Variants in WASHC4 observed in about 807,000 individuals in gnomAD.
The protein encoded by WASHC4 is WASH complex subunit 7.
WASHC4 carries 86 observed loss-of-function variants against 166.6 expected under a neutral mutation model. That is an observed-to-expected ratio of 0.52 (90% CI 0.43 to 0.62). The LOEUF (loss-of-function observed/expected upper bound fraction) is 0.62, where lower values mean the gene tolerates loss of function less well. Among genes scored for constraint, WASHC4 ranks in the 20% least tolerant of loss-of-function variants. The probability of loss-of-function intolerance (pLI) is 0.00; values close to 1 mark genes in which losing one functional copy is unlikely to be tolerated. For synonymous variants in WASHC4, 446 were observed against 451.6 expected, an observed-to-expected ratio of 0.99 and a Z score of 0.16; for missense variants, 1,262 against 1,382.4, an observed-to-expected ratio of 0.91 and a Z score of 1.38.
intron 24 of WASHC4, chr12:105,148,977 A>G (rs1883524714): frequency 4.1e-6 from 4 of 984,508 alleles, no homozygotes; most frequent in South Asian, 4.7e-5. Flanking sequence ...CAAAGCACAC[A>G]TGTACTTAAC....
At chr12:105,130,369 C>A (rs1881685994) in intron 13 of WASHC4, among the ~76,000 whole-genome samples, 2 of 152,136 alleles carry the variant, frequency 1.3e-5, no homozygotes, top group African/African-American at 4.8e-5. Context: ...AACTGTCAGT[C>A]CAAGATCTGT....
At chr12:105,141,066 T>A (rs367815874) in intron 17 of WASHC4, 21 bp downstream of exon 17, 240 of 1,613,770 alleles carry the variant, frequency 1.5e-4, no homozygotes, top group Non-Finnish European at 1.9e-4. Context: ...TGCTATTACT[T>A]ATGGAACAGA....
intron 13 of WASHC4, among the ~76,000 whole-genome samples, chr12:105,129,422 T>C (rs1010558558): frequency 2.0e-5 from 3 of 152,198 alleles, no homozygotes; most frequent in South Asian, 2.1e-4. Context: ...TTTTAAACTT[T>C]TAAGTTCAGG....
chr12:105,120,430 A>G (rs554149238), intron 7 of WASHC4, 125 bp from the exon 8 acceptor site: 4 of 647,258 alleles, frequency 6.2e-6, no homozygotes, highest in African/African-American at 1.8e-5. Flanking sequence ...AATTTTAAAT[A>G]ACTAGAGCCT....
chr12:105,109,760 C>T (rs527954274), intron 1 of WASHC4, among the ~76,000 whole-genome samples: 2 of 151,012 alleles, frequency 1.3e-5, no homozygotes, highest in East Asian at 3.9e-4. Context: ...GATCTTCCTA[C>T]CTCAGCCTCC....
intron 13 of WASHC4, 152 bp from the exon 14 acceptor site, chr12:105,133,618 A>T (rs1882053928): frequency 3.3e-6 from 2 of 599,448 alleles, no homozygotes; most frequent in East Asian, 6.4e-5. Flanking sequence ...ATGTTTGTTG[A>T]ATGAGTAAAT....
Position 105,141,005 on chromosome 12 carries a change from G to T in WASHC4, c.1667G>T (p.Arg556Leu), listed in dbSNP as rs552170145. The change falls in exon 17 of 33, where the codon CGA (arginine) becomes CTA (leucine). Residue 556 changes from arginine (R) to leucine (L), a missense_variant. Physicochemically the swap from Arg to Leu is moderately radical, Grantham distance 102. Transcript: ENST00000332180. ...AATGGACCAAGCACAAAGCAACGGC[G>T]ACTTATTGTTTCTTTGGCACTAAGT... ...TLNGPSTKQR[R>L]LIVSLALSVG... is the part of the protein sequence containing the mutation. 14 of 1,614,084 alleles carry T rather than the reference G, an allele frequency of 8.7e-6. No individual in the cohort carries two copies. The South Asian group carries it at 1.4e-4, about 16-fold the overall frequency.
Position 105,140,306 on chromosome 12 carries a change from A to G in WASHC4, c.1465A>G (p.Met489Val). The G allele has an allele frequency of 1.2e-6, 2 of 1,611,738 alleles. No individual in the cohort carries two copies. The highest frequency in any genetic ancestry group is 2.2e-5 in the East Asian group (1 of 44,856). ...LVELLKAIEHMFYRRSMVVAD... is the reference protein window; with the variant it reads ...LVELLKAIEHVFYRRSMVVAD... Reference sequence around the variant, plus strand: ...TGATTCTTTTTAGGCAATAGAGCATATGTTCTACAGGAGAAGCATGGTTGT... The same window carrying G: ...TGATTCTTTTTAGGCAATAGAGCATGTGTTCTACAGGAGAAGCATGGTTGT... The change falls in exon 16 of 33, where the codon ATG becomes GTG. Residue 489 changes from methionine to valine, a missense_variant. Coordinates refer to ENST00000332180, the MANE Select transcript of WASHC4 (RefSeq NM_015275.3).
In WASHC4 at chr12:105,142,495, A is replaced by T; in HGVS notation, c.1830A>T (p.Arg610=). Reference sequence around the variant, plus strand: ...ACTGTTGTTTTTTATACTGGCATCGAGCTGTCTTCCCAATTTATTTAGATG... The same window carrying T: ...ACTGTTGTTTTTTATACTGGCATCGTGCTGTCTTCCCAATTTATTTAGATG... ...QCDCCFLYWH[R]AVFPIYLDDV... Residue 610 remains arginine, a synonymous_variant, in exon 19 of 33, where the codon CGA becomes CGT. Transcript: ENST00000332180. 6.2e-7 allele frequency: 1 copy of T among 1,611,186 alleles called. No individual in the cohort carries two copies. Among genetic ancestry groups the T allele is most frequent in the Non-Finnish European group, 8.5e-7 (1 of 1,178,056 alleles).
At chr12:105,148,523 A>G (rs1883492780) in intron 24 of WASHC4, 3 of 985,422 alleles carry the variant, frequency 3.0e-6, no homozygotes, top group Non-Finnish European at 3.6e-6. Flanking sequence ...ATGAGCATAG[A>G]AGGATAGAAA....
intron 13 of WASHC4, among the ~76,000 whole-genome samples, chr12:105,127,696 T>C (rs1031678840): frequency 2.0e-5 from 3 of 152,160 alleles, no homozygotes; most frequent in African/African-American, 7.2e-5. Flanking sequence ...TTTATTTTTA[T>C]GAAAATAGTA....
intron 14 of WASHC4, among the ~76,000 whole-genome samples, chr12:105,136,968 A>G (rs1194376311): frequency 2.0e-5 from 3 of 152,160 alleles, no homozygotes; most frequent in African/African-American, 7.2e-5. Context: ...GTGGTGGGAC[A>G]GGAGCAAAAG....
chr12:105,126,369 A>C lies in WASHC4; in HGVS notation c.1038+7A>C, dbSNP rs373317241. ...ATTGGACATTTGTAAGAAGGTAAGA[A>C]CTTGAAACTTATTTTTCAATTTGAG... is the stretch of plus-strand genomic sequence containing the variant. On this transcript the variant is annotated splice_region_variant and intron_variant, in intron 12 of 32. Transcript: ENST00000332180. The C allele has an allele frequency of 3.0e-5, 46 of 1,551,758 alleles. No individual in the cohort carries two copies. Among genetic ancestry groups the C allele is most frequent in the Non-Finnish European group, 3.8e-5 (43 of 1,128,694 alleles).
At chr12:105,148,419 AAC>A (rs1883485737) in intron 24 of WASHC4, 3 of 985,420 alleles carry the variant, frequency 3.0e-6, no homozygotes, top group Non-Finnish European at 3.6e-6. Flanking sequence ...GTGTGAGAAA[AAC>A]ACATTTCCTG....
chr12:105,132,072 C>G (rs1448128135), intron 13 of WASHC4, among the ~76,000 whole-genome samples: 1 of 152,170 alleles, frequency 6.6e-6, no homozygotes, highest in Non-Finnish European at 1.5e-5. Context: ...AAGAATGGGA[C>G]ATTTCTTTAC....
chr12:105,166,529 G>A (rs770102844), intron 32 of WASHC4, among the ~76,000 whole-genome samples: 11 of 152,094 alleles, frequency 7.2e-5, no homozygotes, highest in Non-Finnish European at 1.0e-4. Context: ...AGGAACTGGC[G>A]TGAGGGGAGC....
intron 24 of WASHC4, chr12:105,147,963 C>T (rs1883449829): frequency 1.0e-6 from 1 of 984,200 alleles, no homozygotes; most frequent in South Asian, 4.7e-5. Context: ...ATTATTTGAA[C>T]TCGTATGCTA....
At chr12:105,128,370 T>C (rs939420410) in intron 13 of WASHC4, among the ~76,000 whole-genome samples, 8 of 152,232 alleles carry the variant, frequency 5.3e-5, no homozygotes, top group African/African-American at 1.9e-4. Flanking sequence ...GAGATTTATC[T>C]TTCCATTTGA....
intron 1 of WASHC4, among the ~76,000 whole-genome samples, chr12:105,110,741 G>A (rs1879606873): frequency 6.6e-6 from 1 of 152,010 alleles, no homozygotes; most frequent in African/African-American, 2.4e-5. Flanking sequence ...TTCACCTTCA[G>A]ATCATGAATA....
Sources: gnomAD v4.1 joint callset for allele counts (sites outside exome capture counted in the v4.1 genomes callset) on GRCh38, gnomAD v4.1.1 for gene constraint, MANE v1.5 for transcripts, NCBI Gene and HGNC (gene_info 2026-07-23, HGNC 2026-07-21) for gene names.